The following CDH12 variants were observed in gnomAD, a reference collection of about 807,000 sequenced individuals.
CDH12 encodes the protein cadherin 12.
In CDH12, 41 loss-of-function variants were observed where a neutral mutation model predicts 74.1. That is an observed-to-expected ratio of 0.55 (90% confidence interval 0.43 to 0.72). The LOEUF (loss-of-function observed/expected upper bound fraction) is 0.72. Among genes scored for constraint, CDH12 ranks in the 30% least tolerant of loss-of-function variants. CDH12 has a pLI of 0.00. For synonymous variants in CDH12, 399 were observed against 355.0 expected, an observed-to-expected ratio of 1.12 and a Z score of -1.39; for missense variants, 945 against 977.2, an observed-to-expected ratio of 0.97 and a Z score of 0.44.
intron 6 of CDH12, chr5:21,884,105 T>C: frequency 6.9e-7 from 1 of 1,459,260 alleles, no homozygotes. Flanking sequence ...GTTATGATGC[T>C]ATGGTTGGAG....
intron 1 of CDH12, among the ~76,000 whole-genome samples, chr5:22,647,753 A>G (rs1236786389): frequency 6.6e-6 from 1 of 151,852 alleles, no homozygotes; most frequent in East Asian, 1.9e-4. Context: ...AGTTCCTACT[A>G]ATTTTTCTAT....
Position 21,923,041 on chromosome 5 carries a change from T to C in CDH12, c.526+52050A>G, listed in dbSNP as rs116242924. ...GTACACACTCTCCAATAGGTCAATT[T>C]AAACACATATTTAAGCAAAGACTGT... On this transcript the variant is annotated intron_variant, in intron 6 of 14. Transcript: ENST00000382254. 3.5e-3 allele frequency among the ~76,000 whole-genome samples: 539 copies of C among 152,224 alleles called. 1 individual carries two copies. The highest frequency in any genetic ancestry group is 0.012 in the African/African-American group (507 of 41,562).
chr5:22,531,798 A>C (rs141949923), intron 1 of CDH12, among the ~76,000 whole-genome samples: 1 of 152,236 alleles, frequency 6.6e-6, no homozygotes, highest in African/African-American at 2.4e-5. Flanking sequence ...TAAAAATAGA[A>C]AGATTGGCTG....
chr5:22,027,629 T>C (rs1214091460), intron 5 of CDH12, among the ~76,000 whole-genome samples: 1 of 152,174 alleles, frequency 6.6e-6, no homozygotes, highest in Non-Finnish European at 1.5e-5. Context: ...TCTCTGATGG[T>C]AGTTTGTATT....
At position 21,842,201 on chromosome 5, in the gene CDH12, A is replaced by T; in HGVS notation, c.774T>A (p.Thr258=). The T allele has an allele frequency of 6.2e-7, 1 of 1,613,324 alleles. No individual in the cohort carries two copies. The highest frequency in any genetic ancestry group is 1.7e-5 in the Admixed American group (1 of 59,902). The change falls in exon 8 of 15, where the codon ACT becomes ACA. Residue 258 remains threonine (T), a synonymous_variant. Coordinates refer to ENST00000382254, the MANE Select transcript of CDH12 (RefSeq NM_004061.5). ...GTGGATTGTCATTGACATCGGTGAG[A>T]GTGATGTTGACTATTGTTGTTCCGG... ...GLAGTTIVNI[T]LTDVNDNPPR...
At chr5:22,281,395 A>G (rs1736876780) in intron 3 of CDH12, among the ~76,000 whole-genome samples, 1 of 152,138 alleles carries the variant, frequency 6.6e-6, no homozygotes, top group Non-Finnish European at 1.5e-5. Flanking sequence ...CAAGATAAAT[A>G]AATAAAGGGT....
chr5:22,446,888 T>A (rs1473108663), intron 2 of CDH12, among the ~76,000 whole-genome samples: 1 of 151,964 alleles, frequency 6.6e-6, no homozygotes, highest in Middle Eastern at 3.2e-3. Context: ...GAGATATGAA[T>A]AGTCAATGAA....
intron 6 of CDH12, among the ~76,000 whole-genome samples, chr5:21,939,605 TA>T (rs1164191213): frequency 6.6e-6 from 1 of 152,046 alleles, no homozygotes; most frequent in African/African-American, 2.4e-5. Context: ...AGGTACTAAT[TA>T]AAAAAATGAA....
intron 5 of CDH12, among the ~76,000 whole-genome samples, chr5:22,065,198 G>C (rs1741470788): frequency 6.6e-6 from 1 of 152,150 alleles, no homozygotes; most frequent in South Asian, 2.1e-4. Flanking sequence ...CTAGACCCAA[G>C]TCTTTGCATG....
chr5:22,368,873 C>T (rs934431649), intron 3 of CDH12, among the ~76,000 whole-genome samples: 1 of 152,056 alleles, frequency 6.6e-6, no homozygotes, highest in African/African-American at 2.4e-5. Context: ...CGTGGTGGCT[C>T]ACGCCTGCAC....
At chr5:22,767,055 T>G (rs899360453) in intron 1 of CDH12, among the ~76,000 whole-genome samples, 9 of 151,986 alleles carry the variant, frequency 5.9e-5, no homozygotes, top group Non-Finnish European at 1.2e-4. Flanking sequence ...TTATATACTT[T>G]TACACTCATT....
rs1561454086 is a variant in CDH12 at position 22,505,287 on chromosome 5, T to C, written c.-445A>G. ...TTACCTACCTTTAAAAAGGCTGGCA[T>C]TCTTTAAAACTCCCAACTGCTCCTG... On this transcript the variant is annotated 5_prime_UTR_variant, in exon 2 of 15. The change abolishes an upstream ATG in the 5' untranslated region. Transcript: ENST00000382254. 1 of 982,720 alleles carries C rather than the reference T, an allele frequency of 1.0e-6. No homozygotes were observed. The allele number at this position is 982,720 out of a possible 1,614,324, so 60.9% of individuals were successfully genotyped here. A position where few individuals can be genotyped will look rare whatever the true frequency, so the allele number is the denominator to read the frequency against.
At chr5:21,873,805 G>A (rs866308361) in intron 6 of CDH12, among the ~76,000 whole-genome samples, 1 of 150,824 alleles carries the variant, frequency 6.6e-6, no homozygotes, top group Non-Finnish European at 1.5e-5. Flanking sequence ...CCCCCAACAG[G>A]CCCCAATGAG....
intron 1 of CDH12, among the ~76,000 whole-genome samples, chr5:22,573,537 A>G (rs1022272606): frequency 6.6e-6 from 1 of 152,128 alleles, no homozygotes; most frequent in Non-Finnish European, 1.5e-5. Flanking sequence ...TAGGGGGGAG[A>G]TGGGTATGTA....
rs958501381 is a variant in CDH12 at position 21,752,028 on chromosome 5, G to A, written c.2094C>T (p.Leu698=). 2.5e-6 allele frequency: 4 copies of A among 1,614,096 alleles called. No individual in the cohort carries two copies. The highest frequency in any genetic ancestry group is 3.4e-6 in the Non-Finnish European group (4 of 1,179,998). Residue 698 remains leucine (L), a synonymous_variant, in exon 15 of 15, where the codon CTC becomes CTT. Transcript: ENST00000382254. Reference sequence around the variant, plus strand: ...TGGGTGGTCTCTGACGAGGTAAACAGAGAGAGTCTGGTTTTATATCCCTGC... The same window carrying A: ...TGGGTGGTCTCTGACGAGGTAAACAAAGAGAGTCTGGTTTTATATCCCTGC... ...KIRRDIKPDS[L]CLPRQRPPME...
intron 3 of CDH12, among the ~76,000 whole-genome samples, chr5:22,313,477 G>T (rs1394925809): frequency 6.6e-6 from 1 of 152,192 alleles, no homozygotes; most frequent in East Asian, 1.9e-4. Context: ...ACTTATTCTG[G>T]TTTGCCTGGG....
chr5:22,451,072 G>A (rs1292284092), intron 2 of CDH12, among the ~76,000 whole-genome samples: 1 of 151,552 alleles, frequency 6.6e-6, no homozygotes, highest in African/African-American at 2.4e-5. Flanking sequence ...CTGTTACATT[G>A]CTCTATTTTC....
At chr5:22,269,037 G>A (rs2150398923) in intron 3 of CDH12, among the ~76,000 whole-genome samples, 1 of 152,070 alleles carries the variant, frequency 6.6e-6, no homozygotes, top group African/African-American at 2.4e-5. Flanking sequence ...GGACAAATTT[G>A]CTCATCTCTC....
chr5:22,557,114 T>C (rs1412982095), intron 1 of CDH12, among the ~76,000 whole-genome samples: 7 of 152,110 alleles, frequency 4.6e-5, no homozygotes, highest in Non-Finnish European at 1.0e-4. Flanking sequence ...AAAAAAGTCT[T>C]TCTTGCTTTT....
Sources: gnomAD v4.1 joint callset for allele counts (sites outside exome capture counted in the v4.1 genomes callset) on GRCh38, gnomAD v4.1.1 for gene constraint, MANE v1.5 for transcripts, NCBI Gene and HGNC (gene_info 2026-07-23, HGNC 2026-07-21) for gene names.